UVSSA: variants seen among roughly 807,000 people sequenced by gnomAD.
UVSSA encodes the protein UV stimulated scaffold protein A.
UVSSA carries 72 observed loss-of-function variants against 73.9 expected under a neutral mutation model. The ratio of observed to expected loss-of-function variants is 0.97; its 90% CI spans 0.81 to 1.19. UVSSA has a LOEUF of 1.19. Among genes scored for constraint, UVSSA ranks in the 50% most tolerant of loss-of-function variants. The pLI, the probability that UVSSA is intolerant of heterozygous loss-of-function variation, is 0.00. For synonymous variants in UVSSA, 454 were observed against 391.3 expected (o/e 1.16, Z -1.89); for missense variants, 1,150 against 965.0 (o/e 1.19, Z -2.54).
intron 10 of UVSSA, among the ~76,000 whole-genome samples, chr4:1,379,162 C>T (rs1472036330): frequency 6.6e-6 from 1 of 152,236 alleles, no homozygotes. Flanking sequence ...GACCGTTCCC[C>T]AGTCAGCAGG....
At position 1,395,841 on chromosome 4, in the gene UVSSA, G is replaced by A. The variant is rs767865987; in HGVS notation, c.*9880G>A. ...TCCCTTTTATATTTCTCTGCACCTCGAGATAACGTAGGAATATTAGGGATG... is the reference window on the plus strand; with the variant it reads ...TCCCTTTTATATTTCTCTGCACCTCAAGATAACGTAGGAATATTAGGGATG... On this transcript the variant is annotated 3_prime_UTR_variant, in exon 14 of 14. Transcript: ENST00000511216. 118 of 1,613,178 alleles carry A rather than the reference G, an allele frequency of 7.3e-5. No individual in the cohort carries two copies. The highest frequency in any genetic ancestry group is 9.3e-5 in the Non-Finnish European group (110 of 1,179,426).
Position 1,380,884 on chromosome 4 carries a change from C to T in UVSSA, c.1757C>T (p.Pro586Leu), listed in dbSNP as rs750436278. ...CACCGTGTCCTCGCTGTGCAGTGCC[C>T]TTTCCATGGGAAGATTGTTCCACGG... Reference protein sequence around the residue: ...LCERQDRLKCPFHGKIVPRDD... With the variant: ...LCERQDRLKCLFHGKIVPRDD... The change falls in exon 12 of 14, where the codon CCT becomes CTT. Residue 586 changes from proline to leucine, a missense_variant. Transcript: ENST00000389851. The T allele has an allele frequency of 1.2e-6, 2 of 1,612,848 alleles. No individual in the cohort carries two copies. Among genetic ancestry groups the T allele is most frequent in the Non-Finnish European group, 1.7e-6 (2 of 1,179,826 alleles).
At chr4:1,350,400 C>G (rs1379885619) in intron 3 of UVSSA, among the ~76,000 whole-genome samples, 1 of 152,210 alleles carries the variant, frequency 6.6e-6, no homozygotes, top group African/African-American at 2.4e-5. Context: ...TGACCCAGCC[C>G]TGCTGGCTTC....
At chr4:1,369,819 A>G (rs1370403954) in intron 8 of UVSSA, among the ~76,000 whole-genome samples, 2 of 152,236 alleles carry the variant, frequency 1.3e-5, no homozygotes, top group Admixed American at 1.3e-4. Flanking sequence ...GGACATTTTT[A>G]TGATTCTTTC....
Position 1,387,391 on chromosome 4 carries a change from T to C in UVSSA, c.*1430T>C, listed in dbSNP as rs1577392084. On this transcript the variant is annotated 3_prime_UTR_variant, in exon 14 of 14. Transcript: ENST00000389851. ...GCACTCAGCTGATTTGCAAAAACTT[T>C]CTTCCATACTGTTGTTTCACTTTCT... is the stretch of plus-strand genomic sequence containing the variant. 6.6e-6 allele frequency: 1 copy of C among 152,244 alleles called. No homozygotes were observed. The highest frequency in any genetic ancestry group is 6.5e-5 in the Admixed American group (1 of 15,282). 9.4% of individuals were successfully genotyped at this position (152,244 alleles called of 1,614,324 possible).
intron 10 of UVSSA, 89 bp from the exon 11 acceptor site, chr4:1,379,958 G>C: frequency 6.8e-7 from 1 of 1,463,142 alleles, no homozygotes. Context: ...CTGCAGTGGT[G>C]TTTGGCCTTC....
intron 2 of UVSSA, 115 bp from the exon 3 acceptor site, chr4:1,349,408 TG>T: frequency 1.0e-6 from 1 of 976,696 alleles, no homozygotes; most frequent in Non-Finnish European, 1.5e-6. Flanking sequence ...AGAATGAAGA[TG>T]GGAAGGCAGT....
intron 2 of UVSSA, among the ~76,000 whole-genome samples, chr4:1,349,021 G>A (rs1037370525): frequency 3.9e-5 from 3 of 76,410 alleles, no homozygotes; most frequent in South Asian, 3.3e-4. Flanking sequence ...GGCGGTGTGC[G>A]GTTTGTGCCA....
At chr4:1,365,341 T>C (rs1479297929) in intron 7 of UVSSA, among the ~76,000 whole-genome samples, 1 of 152,198 alleles carries the variant, frequency 6.6e-6, no homozygotes, top group Non-Finnish European at 1.5e-5. Flanking sequence ...TGGTGTCTTG[T>C]GCCACAGCCG....
chr4:1,380,197 C>G lies in UVSSA; in HGVS notation c.1719C>G (p.Asp573Glu), dbSNP rs536749926. 1 of 1,612,640 alleles carries G rather than the reference C, an allele frequency of 6.2e-7. No individual in the cohort carries two copies. The highest frequency in any genetic ancestry group is 1.1e-5 in the South Asian group (1 of 91,068). The change falls in exon 11 of 14, where the codon GAC (aspartate) becomes GAG (glutamate). Residue 573 changes from aspartate to glutamate, a missense_variant. Asp to Glu is a conservative substitution (Grantham distance 45). Transcript: ENST00000389851. Reference sequence around the variant, plus strand: ...ACTGGTGCCGTGCCCCGAGGCCAGACGGCCGGCTCTGTGAGCGCCAAGACC... The same window carrying G: ...ACTGGTGCCGTGCCCCGAGGCCAGAGGGCCGGCTCTGTGAGCGCCAAGACC... ...VQHWCRAPRP[D>E]GRLCERQDRL...
rs762867581 is a variant in UVSSA at position 1,354,811 on chromosome 4, G to C, written c.1011G>C (p.Arg337=). ...HAARDTLKLI[R]NKFLPAVCSW... ...CCCGCGACACACTCAAGCTCATCCG[G>C]AACAAGTTCCTGCCGGCTGTGTGCT... The change falls in exon 6 of 14, where the codon CGG becomes CGC. Residue 337 remains arginine (R), a synonymous_variant. Transcript: ENST00000389851. 6 of 1,611,908 alleles carry C rather than the reference G, an allele frequency of 3.7e-6. No individual in the cohort carries two copies. In the African/African-American group the frequency reaches 5.4e-5, roughly 14 times the overall value.
At chr4:1,350,019 A>G (rs1241517378) in intron 3 of UVSSA, among the ~76,000 whole-genome samples, 165 bp downstream of exon 3, 1 of 152,164 alleles carries the variant, frequency 6.6e-6, no homozygotes, top group Non-Finnish European at 1.5e-5. Flanking sequence ...TGTGGGAAAG[A>G]GGGCAGCATC....
At chr4:1,395,768 C>T (rs550303044) in exon 14 of UVSSA, 40 of 1,614,112 alleles carry the variant, frequency 2.5e-5, no homozygotes, top group Admixed American at 1.0e-4. Flanking sequence ...ACGCTGTTAC[C>T]GTACATTCTA....
intron 3 of UVSSA, 73 bp downstream of exon 3, chr4:1,349,927 G>T (rs1714431325): frequency 7.4e-7 from 1 of 1,360,054 alleles, no homozygotes; most frequent in African/African-American, 1.5e-5. Context: ...CCAGGGTGAA[G>T]ATGCGCCTCC....
chr4:1,372,914 A>AGCACTCACCTCCCGCGTCC (rs1718313484), intron 8 of UVSSA, among the ~76,000 whole-genome samples: 2 of 142,920 alleles, frequency 1.4e-5, no homozygotes, highest in Admixed American at 7.0e-5. Flanking sequence ...CTACACACTC[A>AGCACTCACCTCCCGCGTCC]CTGCCCATGT....
chr4:1,375,284 G>A lies in UVSSA; in HGVS notation c.1289-80G>A, dbSNP rs59817340. 865 of 1,582,482 alleles carry A rather than the reference G, an allele frequency of 5.5e-4. 5 individuals carry two copies. In the African/African-American group the frequency reaches 7.5e-3, roughly 14 times the overall value. On this transcript the variant is annotated intron_variant, in intron 8 of 13. Transcript: ENST00000389851. ...ATGGAACACGCTAACGCATAGGCGC[G>A]TCCTAACTGCCCGGTCTTGCCTGAT... is the stretch of plus-strand genomic sequence containing the variant.
chr4:1,362,912 C>T (rs1025793129), intron 7 of UVSSA, among the ~76,000 whole-genome samples: 1 of 152,208 alleles, frequency 6.6e-6, no homozygotes, highest in African/African-American at 2.4e-5. Flanking sequence ...AGGCTCACGG[C>T]TTCCCCATCT....
intron 11 of UVSSA, 62 bp from the exon 12 acceptor site, chr4:1,380,818 G>T (rs1719395618): frequency 1.9e-6 from 3 of 1,594,666 alleles, no homozygotes; most frequent in Admixed American, 3.4e-5. Context: ...TGGTGGTGGG[G>T]GGAGGTGGTC....
chr4:1,372,540 C>G (rs1345044471), intron 8 of UVSSA, among the ~76,000 whole-genome samples: 1 of 152,206 alleles, frequency 6.6e-6, no homozygotes, highest in African/African-American at 2.4e-5. Context: ...ACCCTCTCCC[C>G]ACGTGTGGCC....
Sources: allele counts gnomAD v4.1 joint callset (sites outside exome capture counted in the v4.1 genomes callset), GRCh38; gene constraint gnomAD v4.1.1; transcripts MANE v1.5; gene names NCBI Gene and HGNC (gene_info 2026-07-23, HGNC 2026-07-21).